The following RTKN2 variants were observed in gnomAD, a reference collection of about 807,000 sequenced individuals.
RTKN2 encodes rhotekin 2.
A neutral mutation model predicts 71.5 loss-of-function variants in RTKN2; 69 were observed. The observed-to-expected ratio is 0.96, with a 90% confidence interval of 0.79 to 1.18. The LOEUF is 1.18. Ranked by LOEUF, RTKN2 falls within the 50% of genes most tolerant of loss-of-function variation. The pLI, the probability that RTKN2 is intolerant of heterozygous loss-of-function variation, is 0.00. For synonymous variants in RTKN2, 236 were observed against 236.5 expected, an observed-to-expected ratio of 1.00 and a Z score of 0.02; for missense variants, 724 against 719.7, an observed-to-expected ratio of 1.01 and a Z score of -0.07.
chr10:62,200,945 TTTAA>T (rs1331653479), intron 10 of RTKN2, among the ~76,000 whole-genome samples: 4 of 152,138 alleles, frequency 2.6e-5, no homozygotes, highest in Non-Finnish European at 5.9e-5. Context: ...TAATTTTTAT[TTTAA>T]TTATGTTTCA....
intron 6 of RTKN2, among the ~76,000 whole-genome samples, chr10:62,230,378 T>C (rs1014008115): frequency 3.9e-5 from 6 of 152,128 alleles, no homozygotes; most frequent in Admixed American, 2.6e-4. Flanking sequence ...AGTTTCACCA[T>C]GTTGGCCAGG....
rs911456789 is a variant in RTKN2 at position 62,196,046 on chromosome 10, G to GA, written c.*1861dup. 1,049 of 897,376 alleles carry GA rather than the reference G, an allele frequency of 1.2e-3. No homozygotes were observed. The highest frequency in any genetic ancestry group is 1.3e-3 in the East Asian group (11 of 8,368). 55.6% of individuals were successfully genotyped at this position (897,376 alleles called of 1,614,324 possible). ...TGTAATAAAGGAAGGCATCAACTAG[G>GA]AAAAAAAAAAGAATGCTTAGATGCC... On this transcript the variant is annotated 3_prime_UTR_variant, in exon 12 of 12. Transcript: ENST00000373789.
intron 6 of RTKN2, among the ~76,000 whole-genome samples, chr10:62,226,713 A>G (rs1314542705): frequency 6.6e-6 from 1 of 152,246 alleles, no homozygotes; most frequent in African/African-American, 2.4e-5. Flanking sequence ...AAGTTTCTAC[A>G]GTGCCTTTCA....
At chr10:62,253,191 A>G (rs1321795031) in intron 2 of RTKN2, among the ~76,000 whole-genome samples, 2 of 152,134 alleles carry the variant, frequency 1.3e-5, no homozygotes, top group Non-Finnish European at 2.9e-5. Context: ...AAATAAGAAA[A>G]CAGAGGATGT....
chr10:62,194,495 A>T lies in RTKN2; in HGVS notation c.*3413T>A, dbSNP rs1841283926. 1 of 983,440 alleles carries T rather than the reference A, an allele frequency of 1.0e-6. No individual in the cohort carries two copies. The highest frequency in any genetic ancestry group is 1.2e-6 in the Non-Finnish European group (1 of 828,226). The allele number at this position is 983,440 out of a possible 1,614,324, so 60.9% of individuals were successfully genotyped here. ...CTATTCAATAATTCACTCTTTAACA[A>T]GAAAATGAGTTTTGATAAATTCAGA... On this transcript the variant is annotated 3_prime_UTR_variant, in exon 12 of 12. Transcript: ENST00000373789.
At chr10:62,205,538 A>T (rs1472278921) in intron 9 of RTKN2, among the ~76,000 whole-genome samples, 2 of 152,172 alleles carry the variant, frequency 1.3e-5, no homozygotes, top group African/African-American at 4.8e-5. Flanking sequence ...CTGTAGCAAA[A>T]CAGGTTTTCC....
At chr10:62,203,966 G>A (rs1419574024) in intron 10 of RTKN2, among the ~76,000 whole-genome samples, 1 of 152,170 alleles carries the variant, frequency 6.6e-6, no homozygotes, top group East Asian at 1.9e-4. Flanking sequence ...CTTGAGGGCT[G>A]CAAGTATTAA....
intron 2 of RTKN2, among the ~76,000 whole-genome samples, chr10:62,253,201 T>C (rs373614579): frequency 6.6e-6 from 1 of 152,158 alleles, no homozygotes; most frequent in East Asian, 1.9e-4. Context: ...ACAGAGGATG[T>C]GATTTTGTTA....
intron 2 of RTKN2, among the ~76,000 whole-genome samples, chr10:62,260,470 A>AT (rs973665290): frequency 2.0e-5 from 3 of 152,154 alleles, no homozygotes; most frequent in East Asian, 1.9e-4. Context: ...ACTATACAAG[A>AT]TTTTTTTAAA....
chr10:62,199,206 C>T (rs1841390787), intron 11 of RTKN2, among the ~76,000 whole-genome samples: 1 of 152,130 alleles, frequency 6.6e-6, no homozygotes, highest in South Asian at 2.1e-4. Flanking sequence ...CACTTGTTCA[C>T]AACATTATTT....
intron 8 of RTKN2, 102 bp downstream of exon 8, chr10:62,218,093 A>G (rs1841816664): frequency 4.1e-6 from 3 of 723,678 alleles, no homozygotes; most frequent in African/African-American, 3.5e-5. Context: ...TTAAAAAAAG[A>G]CTTAAAAAAT....
chr10:62,235,098 A>G (rs968980922), intron 6 of RTKN2, among the ~76,000 whole-genome samples: 1 of 152,134 alleles, frequency 6.6e-6, no homozygotes, highest in African/African-American at 2.4e-5. Flanking sequence ...ATTCTACAAG[A>G]CCTAGTCTCT....
At position 62,196,902 on chromosome 10, in the gene RTKN2, A is replaced by C. The variant is rs1326115807; in HGVS notation, c.*1006T>G. Reference sequence around the variant, plus strand: ...GTTTGGGTCACTATGATTAGTTGCTATGGAAATTACCTCCTATGGAAATGA... The same window carrying C: ...GTTTGGGTCACTATGATTAGTTGCTCTGGAAATTACCTCCTATGGAAATGA... On this transcript the variant is annotated 3_prime_UTR_variant, in exon 12 of 12. Coordinates refer to ENST00000373789, the MANE Select transcript of RTKN2 (RefSeq NM_145307.4). 14 of 983,952 alleles carry C rather than the reference A, an allele frequency of 1.4e-5. No homozygotes were observed. Among genetic ancestry groups the C allele is most frequent in the Non-Finnish European group, 1.3e-5 (11 of 828,672 alleles). The allele number at this position is 983,952 out of a possible 1,614,324, so 61.0% of individuals were successfully genotyped here.
Position 62,198,414 on chromosome 10 carries a change from AACTTTC to A in RTKN2, c.1318_1323del (p.Glu440_Ser441del), listed in dbSNP as rs762044464. 1 of 1,552,484 alleles carries A rather than the reference AACTTTC, an allele frequency of 6.4e-7. No homozygotes were observed. Among genetic ancestry groups the A allele is most frequent in the Non-Finnish European group, 8.7e-7 (1 of 1,149,580 alleles). On this transcript the variant is annotated inframe_deletion, in exon 12 of 12. Transcript: ENST00000373789. ...ATTTTTTTTTGTATTATATCCGTTA[AACTTTC>A]AAGTTTCATAGGTGAATCAATGCCT...
intron 9 of RTKN2, 80 bp downstream of exon 9, chr10:62,217,038 A>G: frequency 4.8e-6 from 5 of 1,031,888 alleles, no homozygotes; most frequent in Non-Finnish European, 5.4e-6. Flanking sequence ...TATTTATAAG[A>G]CAACAACAAT....
intron 10 of RTKN2, among the ~76,000 whole-genome samples, chr10:62,204,265 C>A (rs1841504283): frequency 6.6e-6 from 1 of 152,084 alleles, no homozygotes; most frequent in Non-Finnish European, 1.5e-5. Context: ...GATAAAATTC[C>A]TCGAGAAATA....
In RTKN2 at chr10:62,195,930, T is replaced by A. The variant is rs1413698446; in HGVS notation, c.*1978A>T. On this transcript the variant is annotated 3_prime_UTR_variant, in exon 12 of 12. Coordinates refer to ENST00000373789, the MANE Select transcript of RTKN2 (RefSeq NM_145307.4). ...TGCTAGGTAATTTCTGTATGAATAC[T>A]TTCTTTTTCTTATACACCTTAAGTC... The A allele has an allele frequency of 5.1e-6, 5 of 985,156 alleles. No individual in the cohort carries two copies. In the African/African-American group the frequency reaches 8.7e-5, roughly 17 times the overall value. The allele number at this position is 985,156 out of a possible 1,614,324, so 61.0% of individuals were successfully genotyped here. A position where few individuals can be genotyped will look rare whatever the true frequency, so the allele number is the denominator to read the frequency against.
In RTKN2 at chr10:62,204,903, ATCT is replaced by A; in HGVS notation, c.1137_1139del (p.Glu379del). 2 of 1,593,274 alleles carry A rather than the reference ATCT, an allele frequency of 1.3e-6. No individual in the cohort carries two copies. The highest frequency in any genetic ancestry group is 2.7e-5 in the African/African-American group (2 of 73,616). Reference sequence around the variant, plus strand: ...AGAAGGCTTCCATCCACTTCTGAAGATCTTCTCTATTGTCAACTGCAAAAATCT... The same window carrying A: ...AGAAGGCTTCCATCCACTTCTGAAGATCTCTATTGTCAACTGCAAAAATCT... On this transcript the variant is annotated inframe_deletion, in exon 10 of 12. Transcript: ENST00000373789.
intron 9 of RTKN2, among the ~76,000 whole-genome samples, chr10:62,216,297 A>C (rs1353881138): frequency 6.6e-6 from 1 of 152,058 alleles, no homozygotes; most frequent in Non-Finnish European, 1.5e-5. Context: ...CAACTACACC[A>C]AAGACAAGCA....
Sources: gnomAD v4.1 joint callset for allele counts (sites outside exome capture counted in the v4.1 genomes callset) on GRCh38, gnomAD v4.1.1 for gene constraint, MANE v1.5 for transcripts, NCBI Gene and HGNC (gene_info 2026-07-23, HGNC 2026-07-21) for gene names.